SLC12A8: variants seen among roughly 807,000 people sequenced by gnomAD.
SLC12A8 encodes the protein solute carrier family 12 member 8, also known as cation-chloride cotransporter 9.
A neutral mutation model predicts 75.6 loss-of-function variants in SLC12A8; 69 were observed. The ratio of observed to expected loss-of-function variants is 0.91; its 90% CI spans 0.75 to 1.11. SLC12A8 has a LOEUF of 1.11. SLC12A8 is among the 50% of genes most tolerant of loss of function. The pLI, the probability that SLC12A8 is intolerant of heterozygous loss-of-function variation, is 0.00. For missense variants in SLC12A8, 877 were observed against 896.7 expected (o/e 0.98, Z 0.28); for synonymous variants, 365 against 372.8 (o/e 0.98, Z 0.24).
intron 4 of SLC12A8, among the ~76,000 whole-genome samples, chr3:125,181,893 G>T (rs1421152817): frequency 6.6e-6 from 1 of 152,008 alleles, no homozygotes; most frequent in Non-Finnish European, 1.5e-5. Flanking sequence ...GGAGAGTAAA[G>T]AATGAATAGA....
At chr3:125,162,454 C>T (rs995579640) in intron 5 of SLC12A8, among the ~76,000 whole-genome samples, 4 of 152,170 alleles carry the variant, frequency 2.6e-5, no homozygotes, top group African/African-American at 9.7e-5. Flanking sequence ...TCCCTTAGAT[C>T]ACGTCACCAG....
At chr3:125,198,526 G>A (rs527409608) in intron 2 of SLC12A8, among the ~76,000 whole-genome samples, 3 of 152,122 alleles carry the variant, frequency 2.0e-5, no homozygotes, top group South Asian at 2.1e-4. Flanking sequence ...CCAGCTACTC[G>A]GGAGGCTGAG....
At chr3:125,155,286 G>A (rs1934022850) in intron 5 of SLC12A8, among the ~76,000 whole-genome samples, 1 of 152,060 alleles carries the variant, frequency 6.6e-6, no homozygotes, top group Non-Finnish European at 1.5e-5. Context: ...ATTGACCCAG[G>A]ACTTTTTTCT....
intron 5 of SLC12A8, among the ~76,000 whole-genome samples, chr3:125,141,719 G>A: frequency 6.6e-6 from 1 of 152,102 alleles, no homozygotes; most frequent in Non-Finnish European, 1.5e-5. Context: ...GCCGCGGCGG[G>A]GGCTTCCGGC....
chr3:125,142,106 C>T (rs1668283807), intron 5 of SLC12A8, among the ~76,000 whole-genome samples: 1 of 152,228 alleles, frequency 6.6e-6, no homozygotes, highest in Non-Finnish European at 1.5e-5. Context: ...ACCTGTACCT[C>T]GCCAGACGCG....
At chr3:125,183,982 T>C (rs1330719161) in intron 4 of SLC12A8, among the ~76,000 whole-genome samples, 1 of 151,816 alleles carries the variant, frequency 6.6e-6, no homozygotes, top group Non-Finnish European at 1.5e-5. Context: ...TTATTATTAT[T>C]ATTATTTTGA....
In SLC12A8 at chr3:125,083,721, CAA is replaced by C. The variant is rs200646050; in HGVS notation, c.*167_*168del. 0.041 allele frequency: 22,175 copies of C among 545,746 alleles called. No individual in the cohort carries two copies. Among genetic ancestry groups the C allele is most frequent in the South Asian group, 0.062 (2,362 of 37,908 alleles). The allele number at this position is 545,746 out of a possible 1,614,324, so 33.8% of individuals were successfully genotyped here. ...TGGGTGACAGGGCGAGACTCTGTCT[CAA>C]AAAAAAAAAAAAAGGGAAAAGAAAA... On this transcript the variant is annotated 3_prime_UTR_variant, in exon 14 of 14. Coordinates refer to ENST00000469902, the MANE Select transcript of SLC12A8 (RefSeq NM_024628.6).
chr3:125,199,065 A>T (rs1935069108), intron 2 of SLC12A8, among the ~76,000 whole-genome samples: 2 of 152,192 alleles, frequency 1.3e-5, no homozygotes, highest in African/African-American at 4.8e-5. Flanking sequence ...GGCGTGAGCC[A>T]CCATGCCCGG....
chr3:125,136,595 A>T (rs1244501280), intron 5 of SLC12A8, among the ~76,000 whole-genome samples: 1 of 152,204 alleles, frequency 6.6e-6, no homozygotes, highest in East Asian at 1.9e-4. Flanking sequence ...GGTAGGTTGC[A>T]AATATGGGTC....
At chr3:125,178,297 G>A (rs147045112) in intron 4 of SLC12A8, among the ~76,000 whole-genome samples, 100 of 152,352 alleles carry the variant, frequency 6.6e-4, no homozygotes, top group Non-Finnish European at 1.2e-3. Context: ...GGATTTCTCA[G>A]TCCGAGTTAT....
At chr3:125,153,126 CTG>C (rs1207171566) in intron 5 of SLC12A8, among the ~76,000 whole-genome samples, 4 of 152,310 alleles carry the variant, frequency 2.6e-5, no homozygotes, top group Admixed American at 6.5e-5. Context: ...TTTCCTAGGA[CTG>C]TGTCCATCCA....
intron 10 of SLC12A8, 67 bp from the exon 11 acceptor site, chr3:125,092,265 T>A: frequency 9.1e-7 from 1 of 1,099,636 alleles, no homozygotes; most frequent in Non-Finnish European, 1.4e-6. Context: ...TAGGAAAATA[T>A]ACCTATGAGC....
intron 10 of SLC12A8, among the ~76,000 whole-genome samples, chr3:125,097,047 C>CA (rs1283315246): frequency 6.6e-6 from 1 of 152,002 alleles, no homozygotes; most frequent in East Asian, 1.9e-4. Context: ...TAATTAATGG[C>CA]AAACATAGGC....
chr3:125,180,280 C>G (rs1164264410), intron 4 of SLC12A8, among the ~76,000 whole-genome samples: 2 of 152,176 alleles, frequency 1.3e-5, no homozygotes, highest in Non-Finnish European at 2.9e-5. Flanking sequence ...AGGCCAAATC[C>G]TGGCTGACTT....
chr3:125,094,748 A>G (rs1041414093), intron 10 of SLC12A8, among the ~76,000 whole-genome samples: 3 of 152,172 alleles, frequency 2.0e-5, no homozygotes, highest in Non-Finnish European at 2.9e-5. Flanking sequence ...TTGCCTATGC[A>G]GTCTCTATAT....
chr3:125,097,224 A>G (rs1261963724), intron 10 of SLC12A8, among the ~76,000 whole-genome samples: 1 of 48,880 alleles, frequency 2.0e-5, no homozygotes, highest in African/African-American at 5.6e-5. Flanking sequence ...GTCTCTACTA[A>G]AAAAAATACA....
chr3:125,193,295 G>A (rs781423046), intron 2 of SLC12A8, among the ~76,000 whole-genome samples: 3 of 152,192 alleles, frequency 2.0e-5, no homozygotes, highest in Non-Finnish European at 4.4e-5. Flanking sequence ...ACTTGAACCT[G>A]GGAGGCTGAG....
At chr3:125,138,952 G>A (rs1472196725) in intron 5 of SLC12A8, among the ~76,000 whole-genome samples, 2 of 151,862 alleles carry the variant, frequency 1.3e-5, no homozygotes, top group Admixed American at 1.3e-4. Flanking sequence ...GAGCCCAGAA[G>A]GTCAAGGCTG....
chr3:125,121,219 T>C (rs188678609), intron 6 of SLC12A8, among the ~76,000 whole-genome samples: 5 of 152,214 alleles, frequency 3.3e-5, no homozygotes, highest in East Asian at 1.9e-4. Context: ...TGACATGGAG[T>C]CACAAGCTCC....
Sources: allele counts gnomAD v4.1 joint callset (sites outside exome capture counted in the v4.1 genomes callset), GRCh38; gene constraint gnomAD v4.1.1; transcripts MANE v1.5; gene names NCBI Gene and HGNC (gene_info 2026-07-23, HGNC 2026-07-21).